The following TEX9 variants were observed in gnomAD, a reference collection of about 807,000 sequenced individuals.
TEX9 encodes the protein testis-expressed protein 9.
In TEX9, 74 loss-of-function variants were observed where a neutral mutation model predicts 59.6. The observed-to-expected ratio is 1.24, with a 90% CI of 1.03 to 1.51. The LOEUF (loss-of-function observed/expected upper bound fraction) is 1.51, where lower values mean the gene tolerates loss of function less well. Among genes scored for constraint, TEX9 ranks in the 40% most tolerant of loss-of-function variants. The pLI, the probability that TEX9 is intolerant of heterozygous loss-of-function variation, is 0.00. For synonymous variants in TEX9, 186 were observed against 152.2 expected (o/e 1.22, Z -1.64); for missense variants, 522 against 447.8 (o/e 1.17, Z -1.49).
rs373248947 is a variant in TEX9, at chr15:56,391,395, G to A, written c.548G>A (p.Gly183Asp). 7 of 1,554,648 alleles carry A rather than the reference G, an allele frequency of 4.5e-6. No homozygotes were observed. Among genetic ancestry groups the A allele is most frequent in the African/African-American group, 1.4e-5 (1 of 72,350 alleles). Residue 183 changes from glycine (G) to aspartate (D), a missense_variant, in exon 7 of 13, where the codon GGT becomes GAT. By Grantham distance (94) the Gly-to-Asp change is moderately conservative. Transcript: ENST00000352903. ...GAATATATAGATGATATTTTTTCTG[G>A]TGTTAGTAATGACATTGGAACAGGT...
In TEX9 at chr15:56,273,046, C is replaced by T. The variant is rs113240286; in HGVS notation, c.-107+28768C>T. ...TCAACTCAGTGCAACCTCCGCCTCC[C>T]GAGTTCAAGCAATTCTTCTGCTGCA... On this transcript the variant is annotated intron_variant, in intron 1 of 5. Transcript: ENST00000560827. Among the ~76,000 whole-genome samples the T allele has an allele frequency of 4.7e-3, 709 of 151,792 alleles. 4 individuals are homozygous for T. Among genetic ancestry groups the T allele is most frequent in the Non-Finnish European group, 8.3e-3 (564 of 67,958 alleles).
intron 1 of TEX9, among the ~76,000 whole-genome samples, chr15:56,308,523 T>G (rs1596078252): frequency 6.6e-6 from 1 of 152,218 alleles, no homozygotes; most frequent in African/African-American, 2.4e-5. Flanking sequence ...TTCACTTTCT[T>G]GATGATGTCC....
At chr15:56,339,405 A>ACAAAC (rs1567091418) in intron 1 of TEX9, among the ~76,000 whole-genome samples, 28 of 115,784 alleles carry the variant, frequency 2.4e-4, no homozygotes, top group East Asian at 9.5e-4. Flanking sequence ...AAAAAAAAAA[A>ACAAAC]AAAAAAAAAC....
chr15:56,360,752 C>G (rs533302736), upstream of TEX9, among the ~76,000 whole-genome samples: 21 of 152,132 alleles, frequency 1.4e-4, no homozygotes, highest in Non-Finnish European at 2.6e-4. Context: ...GAAGCCATAC[C>G]TCTTCTGTCT....
At chr15:56,294,227 TCTAAGACCCGTTATCTGCC>T (rs1430430903) in intron 1 of TEX9, among the ~76,000 whole-genome samples, 2 of 152,216 alleles carry the variant, frequency 1.3e-5, no homozygotes, top group African/African-American at 4.8e-5. Flanking sequence ...ACTAGCGTTT[TCTAAGACCCGTTATCTGCC>T]CTGCCTTGAC....
chr15:56,264,870 CTA>C (rs1466557575), intron 1 of TEX9, among the ~76,000 whole-genome samples: 5 of 152,038 alleles, frequency 3.3e-5, no homozygotes, highest in African/African-American at 1.2e-4. Flanking sequence ...AGTCTTTTCT[CTA>C]TGGAATTGCC....
At chr15:56,371,398 T>C (rs1345176061) in intron 2 of TEX9, among the ~76,000 whole-genome samples, 1 of 152,200 alleles carries the variant, frequency 6.6e-6, no homozygotes, top group Non-Finnish European at 1.5e-5. Flanking sequence ...TATTTGGATC[T>C]TTTTCAAATT....
intron 1 of TEX9, among the ~76,000 whole-genome samples, chr15:56,341,031 G>A (rs557204856): frequency 6.6e-6 from 1 of 152,114 alleles, no homozygotes; most frequent in African/African-American, 2.4e-5. Flanking sequence ...CCCATCTTGG[G>A]GCCCTGATTT....
chr15:56,398,959 C>G (rs2048627648), intron 9 of TEX9, among the ~76,000 whole-genome samples: 1 of 152,170 alleles, frequency 6.6e-6, no homozygotes, highest in African/African-American at 2.4e-5. Flanking sequence ...TGGTGAAACC[C>G]TGTCTCTACT....
chr15:56,449,453 A>C (rs28893330), downstream of TEX9, among the ~76,000 whole-genome samples: 2,973 of 152,252 alleles, frequency 0.02, 106 homozygotes, highest in African/African-American at 0.069. Flanking sequence ...AATAAATTAA[A>C]TTTGGTCAGG....
chr15:56,300,926 C>G (rs1222117173), intron 1 of TEX9, among the ~76,000 whole-genome samples: 2 of 152,156 alleles, frequency 1.3e-5, no homozygotes, highest in Non-Finnish European at 2.9e-5. Context: ...CAGTAAATAT[C>G]TAACTCTTAA....
intron 12 of TEX9, among the ~76,000 whole-genome samples, chr15:56,435,044 T>A (rs1292784882): frequency 1.3e-5 from 2 of 152,110 alleles, no homozygotes; most frequent in Non-Finnish European, 2.9e-5. Context: ...GGTCACTCAC[T>A]TCTAAATAAT....
chr15:56,328,414 G>A lies in TEX9; in HGVS notation c.-106-45027G>A, dbSNP rs567876557. On this transcript the variant is annotated intron_variant, in intron 1 of 5. Transcript: ENST00000560827. ...TGGTGACTATGGTGATAAAGTAAAG[G>A]GGATTTTGTCTTGCACCTTATGTAC... 7.9e-5 allele frequency among the ~76,000 whole-genome samples: 12 copies of A among 152,090 alleles called. No individual in the cohort carries two copies. The East Asian group carries it at 2.3e-3, about 30-fold the overall frequency.
intron 1 of TEX9, among the ~76,000 whole-genome samples, chr15:56,320,520 A>G (rs1322194154): frequency 5.9e-5 from 9 of 152,120 alleles, no homozygotes; most frequent in Non-Finnish European, 8.8e-5. Context: ...AGAGAGAGAC[A>G]GAGCAAGAGC....
At chr15:56,303,858 A>G (rs1285401117) in intron 1 of TEX9, among the ~76,000 whole-genome samples, 1 of 152,254 alleles carries the variant, frequency 6.6e-6, no homozygotes, top group Non-Finnish European at 1.5e-5. Flanking sequence ...ATTAAAGACT[A>G]TTATGAGCAA....
chr15:56,332,296 A>G (rs1408013612), intron 1 of TEX9, among the ~76,000 whole-genome samples: 1 of 151,848 alleles, frequency 6.6e-6, no homozygotes, highest in Non-Finnish European at 1.5e-5. Context: ...AGCCATAAAA[A>G]TGATGAGTTC....
At position 56,365,480 on chromosome 15, in the gene TEX9, C is replaced by A. The variant is rs540943313; in HGVS notation, c.27+3C>A. On this transcript the variant is annotated splice_donor_region_variant and intron_variant, in intron 1 of 12. Transcript: ENST00000352903. The stretch of plus-strand genomic sequence containing the variant: ...CGGGGCGAAGTCTGTGTCTCACGGT[C>A]AGTTCAACTCCAGGCTCCTGGGGAG... 3.1e-6 allele frequency: 5 copies of A among 1,614,000 alleles called. No homozygotes were observed. The African/African-American group carries it at 4.0e-5, about 13-fold the overall frequency.
intron 9 of TEX9, among the ~76,000 whole-genome samples, chr15:56,402,133 G>A (rs2048819832): frequency 6.6e-6 from 1 of 152,156 alleles, no homozygotes; most frequent in Non-Finnish European, 1.5e-5. Context: ...ACTAAGATCA[G>A]AGCAGAACTG....
At chr15:56,339,169 G>C (rs144743582) in intron 1 of TEX9, among the ~76,000 whole-genome samples, 6,673 of 151,618 alleles carry the variant, frequency 0.044, 224 homozygotes, top group Admixed American at 0.087. Context: ...GATCACCTGA[G>C]GTCAGGAGTT....
Sources: gnomAD v4.1 joint callset for allele counts (sites outside exome capture counted in the v4.1 genomes callset) on GRCh38, gnomAD v4.1.1 for gene constraint, MANE v1.5 for transcripts, NCBI Gene and HGNC (gene_info 2026-07-23, HGNC 2026-07-21) for gene names.